FHL5: variants seen among roughly 807,000 people sequenced by gnomAD.
FHL5 encodes the protein four and a half LIM domains protein 5.
In FHL5, 33 loss-of-function variants were observed where a neutral mutation model predicts 32.0. That is an observed-to-expected ratio of 1.03 (90% CI 0.78 to 1.38). The LOEUF (loss-of-function observed/expected upper bound fraction) is 1.38, where lower values mean the gene tolerates loss of function less well. Ranked by LOEUF, FHL5 falls within the 40% of genes most tolerant of loss-of-function variation. The probability of loss-of-function intolerance (pLI) is 0.00; values close to 1 mark genes in which losing one functional copy is unlikely to be tolerated. For synonymous variants in FHL5, 114 were observed against 113.6 expected (o/e 1.00, Z -0.02); for missense variants, 336 against 343.9 (o/e 0.98, Z 0.18).
intron 1 of FHL5, among the ~76,000 whole-genome samples, chr6:96,573,814 T>G (rs1770532557): frequency 6.6e-6 from 1 of 151,998 alleles, no homozygotes; most frequent in East Asian, 1.9e-4. Flanking sequence ...AACCACCGCG[T>G]CTGGCCCAAA....
rs1771206623 is a variant in FHL5, at chr6:96,603,727, T to C, written c.114T>C (p.Ser38=). 8 of 1,611,892 alleles carry C rather than the reference T, an allele frequency of 5.0e-6. No homozygotes were observed. Among genetic ancestry groups the C allele is most frequent in the Non-Finnish European group, 5.9e-6 (7 of 1,179,246 alleles). The change falls in exon 2 of 6, where the codon TCT becomes TCC. Residue 38 remains serine (S), a synonymous_variant. Coordinates refer to ENST00000450218, the MANE Select transcript of FHL5 (RefSeq NM_001322466.2). ...YCVTCYDRVF[S]NYCEECKKPI... is the part of the protein sequence containing the mutation. ...TTACATGTTATGATCGTGTATTTTC[T>C]AACTATTGCGAGGAATGCAAAAAAC...
chr6:96,565,669 C>G lies in FHL5; in HGVS notation c.-13+2314C>G, dbSNP rs1770340376. On this transcript the variant is annotated intron_variant, in intron 1 of 5. Transcript: ENST00000450218. ...TAAAAATATACCTTTTTGTATTTTT[C>G]CAATATCATTGCAATTATAATGCTC... Among the ~76,000 whole-genome samples the G allele has an allele frequency of 2.0e-5, 3 of 151,932 alleles. No homozygotes were observed. The South Asian group carries it at 6.2e-4, about 31-fold the overall frequency.
chr6:96,586,877 A>C (rs192140031), intron 1 of FHL5, among the ~76,000 whole-genome samples: 2 of 152,356 alleles, frequency 1.3e-5, no homozygotes, highest in East Asian at 3.9e-4. Flanking sequence ...TAGAGCTTTC[A>C]ATGGAAATTT....
intron 1 of FHL5, among the ~76,000 whole-genome samples, chr6:96,574,218 A>C (rs1770541449): frequency 6.6e-6 from 1 of 152,198 alleles, no homozygotes; most frequent in Non-Finnish European, 1.5e-5. Context: ...AGTGTACAGA[A>C]AGTTCTTTTC....
intron 1 of FHL5, among the ~76,000 whole-genome samples, chr6:96,584,453 GTGTGTGTT>G (rs1323845011): frequency 6.9e-6 from 1 of 145,426 alleles, no homozygotes; most frequent in African/African-American, 2.8e-5. Context: ...GTGTGTGTGT[GTGTGTGTT>G]TGTGTGTGTG....
chr6:96,564,981 G>A (rs1427248304), intron 1 of FHL5, among the ~76,000 whole-genome samples: 1 of 152,126 alleles, frequency 6.6e-6, no homozygotes, highest in Admixed American at 6.6e-5. Context: ...TTGAGGCCAG[G>A]CACGGTGGCT....
At chr6:96,565,183 C>T (rs951211772) in intron 1 of FHL5, among the ~76,000 whole-genome samples, 3 of 152,122 alleles carry the variant, frequency 2.0e-5, no homozygotes, top group Admixed American at 1.3e-4. Context: ...ACCTTATCCT[C>T]ACCATATGTC....
intron 2 of FHL5, among the ~76,000 whole-genome samples, chr6:96,604,242 ATTCTTTCT>A (rs371303898): frequency 4.0e-5 from 6 of 151,178 alleles, no homozygotes; most frequent in Non-Finnish European, 7.4e-5. Context: ...CGACATGCTT[ATTCTTTCT>A]TTCTTTCTTT....
At chr6:96,609,861 A>T (rs1188667207) in intron 4 of FHL5, among the ~76,000 whole-genome samples, 1 of 152,188 alleles carries the variant, frequency 6.6e-6, no homozygotes, top group African/African-American at 2.4e-5. Context: ...TGTAACCCTC[A>T]CTAGTTGCTC....
intron 2 of FHL5, among the ~76,000 whole-genome samples, chr6:96,604,233 G>A (rs760577808): frequency 1.3e-5 from 2 of 151,390 alleles, no homozygotes; most frequent in African/African-American, 4.9e-5. Context: ...CCCTTCCTCC[G>A]ACATGCTTAT....
At chr6:96,599,160 G>A (rs9486663) in intron 1 of FHL5, among the ~76,000 whole-genome samples, 2 of 149,118 alleles carry the variant, frequency 1.3e-5, no homozygotes, top group Admixed American at 1.3e-4. Flanking sequence ...AACATTCTCA[G>A]CTACAGAAAC....
rs989319289 is a variant in FHL5, at chr6:96,594,748, T to G, written c.-12-8854T>G. Among the ~76,000 whole-genome samples the G allele has an allele frequency of 2.0e-5, 3 of 152,002 alleles. No homozygotes were observed. The South Asian group carries it at 6.2e-4, about 32-fold the overall frequency. On this transcript the variant is annotated intron_variant, in intron 1 of 5. Coordinates refer to ENST00000450218, the MANE Select transcript of FHL5 (RefSeq NM_001322466.2). ...CTAGTTTTCTTTTTCCTACGTACTTTCTATGAAATAATTTTGTTTTACTTA... is the reference window on the plus strand; with the variant it reads ...CTAGTTTTCTTTTTCCTACGTACTTGCTATGAAATAATTTTGTTTTACTTA...
In FHL5 at chr6:96,615,597, A is replaced by G. The variant is rs1341068599; in HGVS notation, c.692-12A>G. 4 of 1,587,482 alleles carry G rather than the reference A, an allele frequency of 2.5e-6. No homozygotes were observed. In the Admixed American group the frequency reaches 5.3e-5, roughly 21 times the overall value. ...AAGGATAGATTAATCTTTTTCTCCA[A>G]TTCCTTTACAGGTCTCACAGGTGCC... On this transcript the variant is annotated splice_polypyrimidine_tract_variant and intron_variant, in intron 5 of 5. Transcript: ENST00000450218.
intron 1 of FHL5, among the ~76,000 whole-genome samples, chr6:96,590,043 T>C (rs975915231): frequency 1.3e-5 from 2 of 152,030 alleles, no homozygotes; most frequent in East Asian, 1.9e-4. Flanking sequence ...CCTGTGTTTA[T>C]ACCATACCAT....
At chr6:96,588,886 A>C (rs1770856953) in intron 1 of FHL5, among the ~76,000 whole-genome samples, 1 of 151,900 alleles carries the variant, frequency 6.6e-6, no homozygotes, top group Non-Finnish European at 1.5e-5. Flanking sequence ...TCTTTTAAAA[A>C]AAAAGTAACA....
chr6:96,603,634 C>T lies in FHL5; in HGVS notation c.21C>T (p.Tyr7=), dbSNP rs1249431378. ...CCAAAATGACAACTGCTCACTTTTA[C>T]TGTCAATACTGCACAGCATCACTTC... is the stretch of plus-strand genomic sequence containing the variant. MTTAHF[Y]CQYCTASLLG... Residue 7 remains tyrosine (Y), a synonymous_variant, in exon 2 of 6, where the codon TAC becomes TAT. Coordinates refer to ENST00000450218, the MANE Select transcript of FHL5 (RefSeq NM_001322466.2). 6.2e-7 allele frequency: 1 copy of T among 1,611,704 alleles called. No individual in the cohort carries two copies. The highest frequency in any genetic ancestry group is 8.5e-7 in the Non-Finnish European group (1 of 1,179,290).
At chr6:96,566,779 T>C (rs1229230686) in intron 1 of FHL5, among the ~76,000 whole-genome samples, 1 of 152,018 alleles carries the variant, frequency 6.6e-6, no homozygotes, top group Non-Finnish European at 1.5e-5. Context: ...TACCTACCTG[T>C]TGGCCATTTG....
At chr6:96,572,878 A>C (rs1246922711) in intron 1 of FHL5, among the ~76,000 whole-genome samples, 1 of 152,174 alleles carries the variant, frequency 6.6e-6, no homozygotes, top group African/African-American at 2.4e-5. Flanking sequence ...CTATGTAGCC[A>C]TCCTGAGTTT....
intron 5 of FHL5, 100 bp from the exon 6 acceptor site, chr6:96,615,509 G>C (rs1771498500): frequency 1.1e-6 from 1 of 945,968 alleles, no homozygotes; most frequent in Non-Finnish European, 1.5e-6. Context: ...GCGTTGTTTT[G>C]CTCATAGCTC....
Sources: allele counts gnomAD v4.1 joint callset (sites outside exome capture counted in the v4.1 genomes callset), GRCh38; gene constraint gnomAD v4.1.1; transcripts MANE v1.5; gene names NCBI Gene and HGNC (gene_info 2026-07-23, HGNC 2026-07-21).